The following CCDC15 variants were observed in gnomAD, a reference collection of about 807,000 sequenced individuals.
The protein encoded by CCDC15 is coiled-coil domain-containing protein 15.
Under a neutral mutation model 114.5 loss-of-function variants are expected in CCDC15, and 105 were observed. That is an observed-to-expected ratio of 0.92 (90% CI 0.78 to 1.08). CCDC15 has a LOEUF of 1.08. CCDC15 is among the 50% of genes least tolerant of loss of function. The pLI is 0.00. For synonymous variants in CCDC15, 334 were observed against 377.8 expected (o/e 0.88, Z 1.34); for missense variants, 1,105 against 1,093.6 (o/e 1.01, Z -0.15).
At chr11:124,962,359 A>C (rs185551227) in intron 4 of CCDC15, among the ~76,000 whole-genome samples, 2 of 152,376 alleles carry the variant, frequency 1.3e-5, no homozygotes, top group East Asian at 3.9e-4. Flanking sequence ...TCAAACATTC[A>C]TCTGACATGT....
intron 2 of CCDC15, among the ~76,000 whole-genome samples, chr11:124,957,924 G>A (rs1316057535): frequency 6.6e-6 from 1 of 152,186 alleles, no homozygotes; most frequent in Non-Finnish European, 1.5e-5. Flanking sequence ...TAGTGAAAGA[G>A]AGACATAGTC....
At chr11:125,038,890 C>T in intron 14 of CCDC15, 31 bp from the exon 15 acceptor site, 2 of 1,589,098 alleles carry the variant, frequency 1.3e-6, no homozygotes, top group Non-Finnish European at 1.7e-6. Flanking sequence ...TTTAATAGTT[C>T]ACTTTGCCTG....
intron 6 of CCDC15, among the ~76,000 whole-genome samples, chr11:124,986,009 G>T (rs1948151280): frequency 1.3e-5 from 2 of 152,026 alleles, no homozygotes; most frequent in African/African-American, 4.8e-5. Context: ...TTAGGTCTGT[G>T]ATCCATTTCG....
intron 13 of CCDC15, among the ~76,000 whole-genome samples, chr11:125,027,802 C>A (rs1948714546): frequency 6.6e-6 from 1 of 151,476 alleles, no homozygotes; most frequent in Non-Finnish European, 1.5e-5. Flanking sequence ...GCCATGAATT[C>A]TTTGCCTAAG....
At chr11:125,036,687 G>A (rs1461624782) in intron 13 of CCDC15, among the ~76,000 whole-genome samples, 1 of 151,880 alleles carries the variant, frequency 6.6e-6, no homozygotes, top group Non-Finnish European at 1.5e-5. Flanking sequence ...CTATAACTGT[G>A]TATTTTCAAA....
At chr11:125,028,968 G>T (rs1215263655) in intron 13 of CCDC15, among the ~76,000 whole-genome samples, 1 of 152,140 alleles carries the variant, frequency 6.6e-6, no homozygotes, top group Non-Finnish European at 1.5e-5. Context: ...GCCATCTGCA[G>T]GCTGAGGAGC....
intron 9 of CCDC15, among the ~76,000 whole-genome samples, chr11:124,992,031 C>G (rs141039788): frequency 3.9e-4 from 60 of 152,306 alleles, no homozygotes; most frequent in East Asian, 3.9e-3. Flanking sequence ...GAAGATGATC[C>G]TAAGTCCTAT....
At chr11:124,983,048 T>A (rs1177373158) in intron 6 of CCDC15, among the ~76,000 whole-genome samples, 2 of 152,222 alleles carry the variant, frequency 1.3e-5, no homozygotes, top group Non-Finnish European at 2.9e-5. Flanking sequence ...AGCCAGTCTT[T>A]GAGCTCTGAG....
At chr11:124,977,099 A>G (rs1045451122) in intron 5 of CCDC15, among the ~76,000 whole-genome samples, 1 of 152,080 alleles carries the variant, frequency 6.6e-6, no homozygotes, top group African/African-American at 2.4e-5. Context: ...TTATTTCATT[A>G]TTAGTCTTTA....
At chr11:124,990,454 G>A (rs548081555) in intron 8 of CCDC15, among the ~76,000 whole-genome samples, 4 of 152,268 alleles carry the variant, frequency 2.6e-5, no homozygotes, top group African/African-American at 9.6e-5. Context: ...TGACACCAGT[G>A]TATTGGCTTG....
chr11:125,020,050 A>T (rs1948652039), intron 13 of CCDC15, among the ~76,000 whole-genome samples: 1 of 151,902 alleles, frequency 6.6e-6, no homozygotes, highest in Non-Finnish European at 1.5e-5. Flanking sequence ...AATTTATTCC[A>T]TTTGAAGTCA....
At chr11:124,956,122 T>C (rs1379518110) in intron 2 of CCDC15, among the ~76,000 whole-genome samples, 3 of 150,874 alleles carry the variant, frequency 2.0e-5, no homozygotes, top group Non-Finnish European at 4.4e-5. Context: ...GTAGAGTACC[T>C]TAGGAAATTT....
chr11:125,022,391 T>G (rs916341638), intron 13 of CCDC15, among the ~76,000 whole-genome samples: 1 of 151,982 alleles, frequency 6.6e-6, no homozygotes, highest in Non-Finnish European at 1.5e-5. Context: ...AAAACGATGT[T>G]TATGTCCTGT....
chr11:125,014,806 T>C (rs1311456777), intron 13 of CCDC15, among the ~76,000 whole-genome samples: 3 of 152,180 alleles, frequency 2.0e-5, no homozygotes, highest in Non-Finnish European at 2.9e-5. Context: ...AGACCTACTA[T>C]ATGACCCAAC....
intron 4 of CCDC15, among the ~76,000 whole-genome samples, chr11:124,970,128 G>A (rs1241909482): frequency 1.3e-5 from 2 of 152,050 alleles, no homozygotes. Context: ...CCATTAACTG[G>A]TATTGTCATC....
chr11:124,954,618 C>T, intron 1 of CCDC15, 106 bp from the exon 2 acceptor site: 4 of 912,822 alleles, frequency 4.4e-6, no homozygotes, highest in Non-Finnish European at 6.8e-6. Flanking sequence ...AGGCTTCTGC[C>T]TCCAGGGCTT....
At chr11:124,966,162 T>C (rs1947776548) in intron 4 of CCDC15, among the ~76,000 whole-genome samples, 1 of 152,228 alleles carries the variant, frequency 6.6e-6, no homozygotes, top group Non-Finnish European at 1.5e-5. Context: ...TAGGTCCACT[T>C]GTTGCAGAGC....
chr11:124,980,200 T>C (rs1298665324), intron 6 of CCDC15, among the ~76,000 whole-genome samples: 1 of 152,208 alleles, frequency 6.6e-6, no homozygotes, highest in Non-Finnish European at 1.5e-5. Context: ...TTTGCATCTA[T>C]GTTTATCAAG....
chr11:125,012,020 A>G (rs1163136666), intron 13 of CCDC15, among the ~76,000 whole-genome samples: 1 of 152,222 alleles, frequency 6.6e-6, no homozygotes, highest in Non-Finnish European at 1.5e-5. Context: ...AGTTCTAGGT[A>G]CATGCCCTGT....
Sources: gnomAD v4.1 joint callset for allele counts (sites outside exome capture counted in the v4.1 genomes callset) on GRCh38, gnomAD v4.1.1 for gene constraint, MANE v1.5 for transcripts, NCBI Gene and HGNC (gene_info 2026-07-23, HGNC 2026-07-21) for gene names.